Variants in ARMC2 observed in about 807,000 individuals in gnomAD.
The protein encoded by ARMC2 is armadillo repeat containing 2, also known as armadillo repeat-containing protein 2.
ARMC2 carries 67 observed loss-of-function variants against 90.3 expected under a neutral mutation model. The observed-to-expected ratio is 0.74, with a 90% CI of 0.61 to 0.91. The LOEUF (loss-of-function observed/expected upper bound fraction) is 0.91. ARMC2 is among the 40% of genes least tolerant of loss of function. ARMC2 has a pLI of 0.00. For synonymous variants in ARMC2, 393 were observed against 393.0 expected (o/e 1.00, Z 0.00); for missense variants, 920 against 1,030.9 (o/e 0.89, Z 1.47).
At chr6:108,939,809 T>C (rs1776286441) in intron 12 of ARMC2, among the ~76,000 whole-genome samples, 1 of 152,248 alleles carries the variant, frequency 6.6e-6, no homozygotes, top group Non-Finnish European at 1.5e-5. Flanking sequence ...ATCACTTTCA[T>C]CACTAAACTT....
chr6:109,004,612 A>G, the ARMC2 span, among the ~76,000 whole-genome samples: 1 of 152,014 alleles, frequency 6.6e-6, no homozygotes, highest in South Asian at 2.1e-4. Flanking sequence ...TTGTATTTTT[A>G]GTAGAGACAG....
chr6:109,017,498 G>T, the ARMC2 span, among the ~76,000 whole-genome samples: 1 of 152,082 alleles, frequency 6.6e-6, no homozygotes, highest in Non-Finnish European at 1.5e-5. Context: ...TGTTAGCCAG[G>T]ATGGTCTCGA....
At chr6:108,957,019 G>C (rs1777632795) in intron 13 of ARMC2, among the ~76,000 whole-genome samples, 1 of 152,178 alleles carries the variant, frequency 6.6e-6, no homozygotes, top group Admixed American at 6.5e-5. Context: ...TCCTGATACA[G>C]GTGGTCAAGG....
chr6:108,936,210 G>C (rs946601529), intron 11 of ARMC2, among the ~76,000 whole-genome samples: 4 of 152,128 alleles, frequency 2.6e-5, no homozygotes, highest in Admixed American at 2.0e-4. Flanking sequence ...CTATATTAAA[G>C]CAGGTTTTTG....
chr6:108,968,763 AT>A (rs1778554381), intron 17 of ARMC2, among the ~76,000 whole-genome samples: 1 of 152,246 alleles, frequency 6.6e-6, no homozygotes, highest in African/African-American at 2.4e-5. Flanking sequence ...GTGTTGAAGT[AT>A]GAACACTGTT....
chr6:108,955,137 A>G (rs1245615539), intron 13 of ARMC2, among the ~76,000 whole-genome samples: 1 of 152,214 alleles, frequency 6.6e-6, no homozygotes, highest in Non-Finnish European at 1.5e-5. Flanking sequence ...AAATACAGTC[A>G]CATTGAAGGG....
At chr6:109,018,395 T>A in the ARMC2 span, among the ~76,000 whole-genome samples, 187 of 152,316 alleles carry the variant, frequency 1.2e-3, 1 homozygote, top group African/African-American at 4.0e-3. Context: ...AGTTTATGTG[T>A]TCTAGTCTTT....
chr6:108,879,365 A>G lies in ARMC2; in HGVS notation c.671+3015A>G, dbSNP rs117285705. Reference sequence around the variant, plus strand: ...CTACCCATGCAGCTAGCACCTACCCATCCACCTATCCACCCATCCATTCAT... The same window carrying G: ...CTACCCATGCAGCTAGCACCTACCCGTCCACCTATCCACCCATCCATTCAT... On this transcript the variant is annotated intron_variant, in intron 5 of 17. Coordinates refer to ENST00000392644, the MANE Select transcript of ARMC2 (RefSeq NM_032131.6). 6.5e-4 allele frequency among the ~76,000 whole-genome samples: 97 copies of G among 149,250 alleles called. 1 individual carries two copies. In the East Asian group the frequency reaches 0.017, roughly 26 times the overall value.
chr6:108,896,344 A>T (rs1468718498), intron 6 of ARMC2, among the ~76,000 whole-genome samples: 1 of 152,238 alleles, frequency 6.6e-6, no homozygotes, highest in Non-Finnish European at 1.5e-5. Flanking sequence ...CTGTGAACCT[A>T]GATGAAAGTG....
chr6:108,911,115 A>C lies in ARMC2; in HGVS notation c.1126+114A>C, dbSNP rs1773382658. 4.4e-6 allele frequency: 3 copies of C among 686,492 alleles called. No homozygotes were observed. The African/African-American group carries it at 5.6e-5, about 13-fold the overall frequency. 42.5% of individuals were successfully genotyped at this position (686,492 alleles called of 1,614,324 possible). ...CAAGAATATTTTGTTTTCTAGAAAC[A>C]TGCAGAAGTTATGTGATGCTCATTT... On this transcript the variant is annotated intron_variant, in intron 9 of 17. Coordinates refer to ENST00000392644, the MANE Select transcript of ARMC2 (RefSeq NM_032131.6).
chr6:108,936,833 C>A, intron 11 of ARMC2, 67 bp from the exon 12 acceptor site: 1 of 1,264,386 alleles, frequency 7.9e-7, no homozygotes, highest in Non-Finnish European at 1.1e-6. Context: ...TAAAGTGATA[C>A]TATGTGTACT....
At chr6:108,998,182 C>G in the ARMC2 span, among the ~76,000 whole-genome samples, 3 of 152,156 alleles carry the variant, frequency 2.0e-5, no homozygotes, top group Non-Finnish European at 2.9e-5. Context: ...CTATTTTCAG[C>G]CTTCCCTCAT....
downstream of ARMC2, among the ~76,000 whole-genome samples, chr6:108,977,474 C>G (rs1425828856): frequency 6.6e-6 from 1 of 152,042 alleles, no homozygotes; most frequent in Non-Finnish European, 1.5e-5. Context: ...TTTGTTGTAT[C>G]TCTGCCAGGT....
At chr6:109,005,801 T>C in the ARMC2 span, among the ~76,000 whole-genome samples, 1 of 152,232 alleles carries the variant, frequency 6.6e-6, no homozygotes, top group East Asian at 1.9e-4. Flanking sequence ...TGTGGGATTA[T>C]AATCTATATT....
chr6:109,036,737 A>G, the ARMC2 span, among the ~76,000 whole-genome samples: 1 of 152,208 alleles, frequency 6.6e-6, no homozygotes, highest in Admixed American at 6.5e-5. Context: ...AAGTGCTACC[A>G]CAATTTTAGC....
chr6:108,936,746 CA>C (rs1189672088), intron 11 of ARMC2, among the ~76,000 whole-genome samples, 153 bp from the exon 12 acceptor site: 3 of 152,082 alleles, frequency 2.0e-5, no homozygotes, highest in Non-Finnish European at 4.4e-5. Flanking sequence ...AGCCTCCTTG[CA>C]GCTTCTCTGA....
intron 12 of ARMC2, among the ~76,000 whole-genome samples, chr6:108,942,438 T>C (rs1012299472): frequency 6.6e-6 from 1 of 152,188 alleles, no homozygotes; most frequent in Admixed American, 6.5e-5. Context: ...CGATCAAATA[T>C]GATTTGTTTT....
At chr6:108,989,915 G>A in the ARMC2 span, among the ~76,000 whole-genome samples, 1 of 152,270 alleles carries the variant, frequency 6.6e-6, no homozygotes. Context: ...CCATTGAGGA[G>A]GCTAAAGTCA....
At chr6:108,877,702 C>G (rs1477976502) in intron 5 of ARMC2, among the ~76,000 whole-genome samples, 2 of 152,222 alleles carry the variant, frequency 1.3e-5, no homozygotes, top group African/African-American at 4.8e-5. Context: ...TGAAAGTTGA[C>G]TAGAAAAACC....
Sources: gnomAD v4.1 joint callset for allele counts (sites outside exome capture counted in the v4.1 genomes callset) on GRCh38, gnomAD v4.1.1 for gene constraint, MANE v1.5 for transcripts, NCBI Gene and HGNC (gene_info 2026-07-23, HGNC 2026-07-21) for gene names.